CTTN: variants seen among roughly 807,000 people sequenced by gnomAD.
CTTN encodes cortactin.
In CTTN, 28 loss-of-function variants were observed where a neutral mutation model predicts 84.0. The ratio of observed to expected loss-of-function variants is 0.33; its 90% confidence interval spans 0.25 to 0.46. CTTN has a LOEUF of 0.46. Among genes scored for constraint, CTTN ranks in the 20% least tolerant of loss-of-function variants. The probability of loss-of-function intolerance (pLI) is 1.00; values close to 1 mark genes in which losing one functional copy is unlikely to be tolerated. For synonymous variants in CTTN, 301 were observed against 288.8 expected (o/e 1.04, Z -0.43); for missense variants, 641 against 723.8 (o/e 0.89, Z 1.31).
intron 13 of CTTN, among the ~76,000 whole-genome samples, chr11:70,426,306 G>A (rs948423992): frequency 2.0e-5 from 3 of 151,938 alleles, no homozygotes; most frequent in Non-Finnish European, 4.4e-5. Context: ...AGCTACTCGG[G>A]AGGCTGAGAC....
intron 8 of CTTN, among the ~76,000 whole-genome samples, chr11:70,418,800 C>T (rs574408192): frequency 4.2e-5 from 6 of 143,306 alleles, no homozygotes; most frequent in South Asian, 4.4e-4. Flanking sequence ...TTTTTTGAGA[C>T]GGAGTCTCTC....
Position 70,419,739 on chromosome 11 carries a change from T to G in CTTN, c.569-7T>G, listed in dbSNP as rs768574697. 5 of 1,604,840 alleles carry G rather than the reference T, an allele frequency of 3.1e-6. No homozygotes were observed. The South Asian group carries it at 3.4e-5, about 11-fold the overall frequency. ...TTTTAAAGTAGTCCTTTTTTGTTTG[T>G]TTTTAGATTACTCCAAAGGTTTCGG... is the stretch of plus-strand genomic sequence containing the variant. On this transcript the variant is annotated splice_region_variant and splice_polypyrimidine_tract_variant and intron_variant, in intron 8 of 17. Coordinates refer to ENST00000301843, the MANE Select transcript of CTTN (RefSeq NM_005231.4).
Position 70,425,389 on chromosome 11 carries a change from C to A in CTTN, c.1015C>A (p.Pro339Thr). The A allele has an allele frequency of 6.2e-7, 1 of 1,611,394 alleles. No individual in the cohort carries two copies. The highest frequency in any genetic ancestry group is 8.5e-7 in the Non-Finnish European group (1 of 1,178,746). The change falls in exon 13 of 18, where the codon CCT becomes ACT. Residue 339 changes from proline (P) to threonine (T), a missense_variant. Physicochemically the swap from Pro to Thr is conservative, Grantham distance 38. Transcript: ENST00000301843. ...GTCCTCTGCCTACCAGAAGACAGTA[C>A]CTGTCGAAGCTGGTGAGTCCCGGCT... ...QVSSAYQKTV[P>T]VEAVTSKTSN...
Position 70,435,683 on chromosome 11 carries a change from A to T in CTTN, c.*521A>T. On this transcript the variant is annotated 3_prime_UTR_variant, in exon 18 of 18. Coordinates refer to ENST00000301843, the MANE Select transcript of CTTN (RefSeq NM_005231.4). ...CCCGGAGCTAAGTCACCCAGAGCAC[A>T]GGAGCTGCCATGTCAGATGGGAAAT... 1 of 1,597,622 alleles carries T rather than the reference A, an allele frequency of 6.3e-7. No individual in the cohort carries two copies. The highest frequency in any genetic ancestry group is 8.5e-7 in the Non-Finnish European group (1 of 1,179,530).
Position 70,435,480 on chromosome 11 carries a change from C to T in CTTN, c.*318C>T, listed in dbSNP as rs1286419135. On this transcript the variant is annotated 3_prime_UTR_variant, in exon 18 of 18. Transcript: ENST00000301843. ...TCACGCGGCAGCTTCAGGGAGCTCG[C>T]ATTCTCTTGTGTTCGTGTTGCCCTC... 3 of 1,550,698 alleles carry T rather than the reference C, an allele frequency of 1.9e-6. No individual in the cohort carries two copies. The African/African-American group carries it at 4.1e-5, about 21-fold the overall frequency.
In CTTN at chr11:70,436,133, T is replaced by G; in HGVS notation, c.*971T>G. On this transcript the variant is annotated 3_prime_UTR_variant, in exon 18 of 18. Coordinates refer to ENST00000301843, the MANE Select transcript of CTTN (RefSeq NM_005231.4). ...TCCTCCTGTCAATGGGGGTGTAGTA[T>G]TTTTGCCAAAATATCATGTTCAATT... 7.0e-7 allele frequency: 1 copy of G among 1,437,970 alleles called. No individual in the cohort carries two copies. The allele number at this position is 1,437,970 out of a possible 1,614,324, so 89.1% of individuals were successfully genotyped here. A position where few individuals can be genotyped will look rare whatever the true frequency, so the allele number is the denominator to read the frequency against.
intron 8 of CTTN, among the ~76,000 whole-genome samples, chr11:70,419,020 C>T (rs1200163604): frequency 6.6e-6 from 1 of 151,778 alleles, no homozygotes; most frequent in Non-Finnish European, 1.5e-5. Context: ...CATGATCCGC[C>T]CACCTTGGCC....
At chr11:70,422,573 A>G in intron 11 of CTTN, 1 of 1,306,530 alleles carries the variant, frequency 7.7e-7, no homozygotes, top group Non-Finnish European at 1.0e-6. Flanking sequence ...CAGGAAGCAG[A>G]TGAGAATAAG....
intron 13 of CTTN, among the ~76,000 whole-genome samples, chr11:70,427,356 T>A (rs1565498290): frequency 1.3e-5 from 2 of 151,910 alleles, no homozygotes; most frequent in East Asian, 3.9e-4. Context: ...TCTCAAAAAA[T>A]AAAAATAATA....
At chr11:70,422,426 A>G in intron 11 of CTTN, 1 of 1,073,064 alleles carries the variant, frequency 9.3e-7, no homozygotes. Flanking sequence ...TGACAGTGTG[A>G]CTTTCATGTG....
chr11:70,406,734 A>G (rs1248848526), intron 2 of CTTN, among the ~76,000 whole-genome samples: 1 of 152,216 alleles, frequency 6.6e-6, no homozygotes, highest in Non-Finnish European at 1.5e-5. Context: ...AGTAGAGAGT[A>G]AAGCAATTCT....
rs112839434 is a variant in CTTN at position 70,433,705 on chromosome 11, C to T, written c.1503C>T (p.Tyr501=). 6.2e-4 allele frequency: 1,007 copies of T among 1,613,290 alleles called. 10 individuals carry two copies. In the African/African-American group the frequency reaches 0.012, roughly 19 times the overall value. Residue 501 remains tyrosine, a synonymous_variant, in exon 17 of 18, where the codon TAC becomes TAT. Transcript: ENST00000301843. ...TGGGGATCACAGCCGTCGCCCTGTA[C>T]GACTACCAGGCTGGTGAGCGGCCTG... The part of the protein sequence containing the change: ...NDLGITAVAL[Y]DYQAAGDDEI...
In CTTN at chr11:70,415,871, G is replaced by T. The variant is rs1401294738; in HGVS notation, c.457+154G>T. ...TCCTGAGCGGTGGCTGTTGCCACAA[G>T]GAGGACTCTGCCCTCCTCTTCATGT... On this transcript the variant is annotated intron_variant, in intron 7 of 17. Transcript: ENST00000301843. 4.3e-6 allele frequency: 3 copies of T among 701,070 alleles called. No homozygotes were observed. The East Asian group carries it at 7.6e-5, about 18-fold the overall frequency. The allele number at this position is 701,070 out of a possible 1,614,324, so 43.4% of individuals were successfully genotyped here.
chr11:70,427,257 C>T (rs1009804501), intron 13 of CTTN, among the ~76,000 whole-genome samples: 12 of 152,018 alleles, frequency 7.9e-5, no homozygotes, highest in South Asian at 2.1e-4. Context: ...GACTGAGGTA[C>T]GAGAATTGCT....
intron 5 of CTTN, 40 bp from the exon 6 acceptor site, chr11:70,414,502 T>G: frequency 2.1e-6 from 3 of 1,436,614 alleles, no homozygotes; most frequent in Non-Finnish European, 2.9e-6. Context: ...CGCCGCAGTG[T>G]TGTTGGTGTC....
Position 70,436,523 on chromosome 11 carries a change from A to T in CTTN, c.*1361A>T, listed in dbSNP as rs6894. ...TATCTGAATTCCTGTAGCACACCTC[A>T]TAGGTATGATTTTTTTAAATTAAAG... is the stretch of plus-strand genomic sequence containing the variant. On this transcript the variant is annotated 3_prime_UTR_variant, in exon 18 of 18. Transcript: ENST00000301843. The T allele has an allele frequency of 7.2e-5, 60 of 833,238 alleles. No individual in the cohort carries two copies. Among genetic ancestry groups the T allele is most frequent in the Non-Finnish European group, 1.1e-4 (59 of 528,276 alleles). 51.6% of individuals were successfully genotyped at this position (833,238 alleles called of 1,614,324 possible).
chr11:70,427,425 C>A (rs371458024), intron 13 of CTTN, among the ~76,000 whole-genome samples: 2 of 152,180 alleles, frequency 1.3e-5, no homozygotes, highest in South Asian at 4.1e-4. Flanking sequence ...GTGAGAAGAC[C>A]GGCATTGTTT....
At chr11:70,411,638 G>A (rs1565489943) in intron 5 of CTTN, among the ~76,000 whole-genome samples, 1 of 152,208 alleles carries the variant, frequency 6.6e-6, no homozygotes, top group Non-Finnish European at 1.5e-5. Context: ...CAACGTGTCA[G>A]GAGAGCCTGG....
intron 17 of CTTN, among the ~76,000 whole-genome samples, chr11:70,434,798 G>T (rs772380920): frequency 2.6e-5 from 4 of 152,242 alleles, no homozygotes; most frequent in Non-Finnish European, 4.4e-5. Context: ...GGTGGGGTTG[G>T]TGCTTGTGTG....
Sources: allele counts gnomAD v4.1 joint callset (sites outside exome capture counted in the v4.1 genomes callset), GRCh38; gene constraint gnomAD v4.1.1; transcripts MANE v1.5; gene names NCBI Gene and HGNC (gene_info 2026-07-23, HGNC 2026-07-21).